The following SYT13 variants were observed in gnomAD, a reference collection of about 807,000 sequenced individuals.
The protein encoded by SYT13 is synaptotagmin 13.
A neutral mutation model predicts 38.6 loss-of-function variants in SYT13; 21 were observed. That is an observed-to-expected ratio of 0.54 (90% CI 0.39 to 0.78). The LOEUF (loss-of-function observed/expected upper bound fraction) is 0.78. Ranked by LOEUF, SYT13 falls within the 30% of genes least tolerant of loss-of-function variation. The pLI is 0.00. For missense variants in SYT13, 495 were observed against 548.7 expected (o/e 0.90, Z 0.98); for synonymous variants, 241 against 237.6 (o/e 1.01, Z -0.13).
In SYT13 at chr11:45,244,171, A is replaced by C. The variant is rs1211102264; in HGVS notation, c.1162T>G (p.Cys388Gly). 1 of 1,614,060 alleles carries C rather than the reference A, an allele frequency of 6.2e-7. No individual in the cohort carries two copies. ...CCCAGGCTGCAGTGGCCAAGCGCAC[A>C]GCTCTGCCCTGAATCGTCCTGGCCC... is the stretch of plus-strand genomic sequence containing the variant. ...VLGQDDSGQS[C>G]ALGHCSLGLH... Residue 388 changes from cysteine (C) to glycine (G), a missense_variant, in exon 6 of 6, where the codon TGT becomes GGT. By Grantham distance (159) the Cys-to-Gly change is radical. Transcript: ENST00000020926.
At chr11:45,266,523 C>A (rs566724312) in intron 1 of SYT13, among the ~76,000 whole-genome samples, 2 of 151,942 alleles carry the variant, frequency 1.3e-5, no homozygotes, top group East Asian at 3.9e-4. Context: ...CACACACACA[C>A]ACACACACAC....
At chr11:45,277,267 T>C (rs1230321207) in intron 1 of SYT13, among the ~76,000 whole-genome samples, 1 of 152,200 alleles carries the variant, frequency 6.6e-6, no homozygotes, top group African/African-American at 2.4e-5. Flanking sequence ...AGGGGTTTTC[T>C]TCTGAGGTGA....
At chr11:45,274,043 G>T (rs930205091) in intron 1 of SYT13, among the ~76,000 whole-genome samples, 12 of 152,176 alleles carry the variant, frequency 7.9e-5, no homozygotes, top group Non-Finnish European at 1.6e-4. Context: ...ATTCAGAATG[G>T]CTGTGGTGAT....
intron 4 of SYT13, among the ~76,000 whole-genome samples, chr11:45,248,552 T>G (rs1854639093): frequency 6.6e-6 from 1 of 152,334 alleles, no homozygotes. Flanking sequence ...CCTGAATCCA[T>G]GGCTCTCCAG....
chr11:45,245,359 G>C (rs1267621205), intron 5 of SYT13, among the ~76,000 whole-genome samples: 2 of 152,206 alleles, frequency 1.3e-5, no homozygotes, highest in Non-Finnish European at 2.9e-5. Flanking sequence ...TTTCTACAGA[G>C]AGAGTTGAGA....
chr11:45,262,501 G>A (rs912868362), intron 1 of SYT13, among the ~76,000 whole-genome samples: 2 of 152,118 alleles, frequency 1.3e-5, no homozygotes, highest in Non-Finnish European at 2.9e-5. Context: ...TGAAGCAGAA[G>A]GATGGCTTGA....
chr11:45,285,073 G>C (rs1855117942), intron 1 of SYT13, among the ~76,000 whole-genome samples: 1 of 152,154 alleles, frequency 6.6e-6, no homozygotes, highest in South Asian at 2.1e-4. Context: ...GGGCCTTTAG[G>C]AGGTCCTTTA....
intron 1 of SYT13, among the ~76,000 whole-genome samples, chr11:45,271,815 A>G (rs1010056030): frequency 1.1e-4 from 17 of 152,198 alleles, no homozygotes; most frequent in Non-Finnish European, 2.5e-4. Context: ...GAGGAATCCA[A>G]GAGTGAGAGC....
intron 1 of SYT13, among the ~76,000 whole-genome samples, chr11:45,280,330 G>A (rs1855057333): frequency 1.3e-5 from 2 of 152,016 alleles, no homozygotes; most frequent in African/African-American, 2.4e-5. Flanking sequence ...GGGAGAAACA[G>A]CAGAAAGCAA....
Position 45,286,169 on chromosome 11 carries a change from C to G in SYT13, c.39G>C (p.Thr13=). ...LSVPVIALGA[T]LGTATSILAL... is the part of the protein sequence containing the mutation. ...CGAGGATGCTGGTGGCTGTGCCCAG[C>G]GTGGCGCCCAGCGCGATCACAGGCA... Residue 13 remains threonine, a synonymous_variant, in exon 1 of 6, where the codon ACG becomes ACC. Transcript: ENST00000020926. The G allele has an allele frequency of 1.3e-6, 2 of 1,583,338 alleles. No homozygotes were observed. The highest frequency in any genetic ancestry group is 8.6e-7 in the Non-Finnish European group (1 of 1,168,406).
intron 1 of SYT13, among the ~76,000 whole-genome samples, chr11:45,272,492 C>T (rs1854961399): frequency 6.6e-6 from 1 of 152,210 alleles, no homozygotes; most frequent in Non-Finnish European, 1.5e-5. Context: ...CATTAAGGTG[C>T]TGCTTCTAAC....
At chr11:45,278,787 A>G (rs1855039032) in intron 1 of SYT13, among the ~76,000 whole-genome samples, 1 of 152,206 alleles carries the variant, frequency 6.6e-6, no homozygotes, top group Non-Finnish European at 1.5e-5. Flanking sequence ...ACACAGGCTT[A>G]GGGGTCCACA....
At chr11:45,285,943 G>T (rs1184772592) in intron 1 of SYT13, 82 bp downstream of exon 1, 1 of 1,377,880 alleles carries the variant, frequency 7.3e-7, no homozygotes, top group Non-Finnish European at 9.6e-7. Flanking sequence ...ATCCACGACC[G>T]CCTCCCACCC....
chr11:45,270,269 G>T (rs1454322620), intron 1 of SYT13, among the ~76,000 whole-genome samples: 1 of 152,140 alleles, frequency 6.6e-6, no homozygotes, highest in African/African-American at 2.4e-5. Context: ...GAACACAATT[G>T]TTTAATATTG....
chr11:45,278,290 C>T (rs760874006), intron 1 of SYT13, among the ~76,000 whole-genome samples: 3 of 152,062 alleles, frequency 2.0e-5, no homozygotes, highest in Non-Finnish European at 4.4e-5. Flanking sequence ...AAGGTGGAAG[C>T]GGGAGGTGAA....
Position 45,245,017 on chromosome 11 carries a change from A to G in SYT13, c.977-661T>C, listed in dbSNP as rs550057372. ...CATCCCCTTGATTCTTGGTGTAAGC[A>G]TGTTTGTCTGTTATCAAAATAGGAG... On this transcript the variant is annotated intron_variant, in intron 5 of 5. Transcript: ENST00000020926. 9.2e-5 allele frequency among the ~76,000 whole-genome samples: 14 copies of G among 152,326 alleles called. No homozygotes were observed. In the East Asian group the frequency reaches 2.7e-3, roughly 29 times the overall value.
intron 1 of SYT13, among the ~76,000 whole-genome samples, chr11:45,257,004 G>T (rs946370601): frequency 6.6e-6 from 1 of 152,192 alleles, no homozygotes. Context: ...TGTGACTAGG[G>T]CTGCCATATT....
chr11:45,285,767 G>T (rs1855126310), intron 1 of SYT13: 2 of 691,850 alleles, frequency 2.9e-6, no homozygotes, highest in Non-Finnish European at 5.2e-6. Flanking sequence ...CTCGCTGCTG[G>T]CCCCCATTCT....
Position 45,286,043 on chromosome 11 carries a change from C to A in SYT13, c.165G>T (p.Leu55Phe), listed in dbSNP as rs1432626745. Residue 55 changes from leucine (L) to phenylalanine (F), a missense_variant, in exon 1 of 6, where the codon TTG (leucine) becomes TTT (phenylalanine). Physicochemically the swap from Leu to Phe is conservative, Grantham distance 22 (BLOSUM62 0). Transcript: ENST00000020926. Reference protein sequence around the residue: ...DPDLEKAKPSLLGSAQQFNVK... With the variant: ...DPDLEKAKPSFLGSAQQFNVK... The stretch of plus-strand genomic sequence containing the variant: ...CGCTCACCTGTTGTGCAGACCCGAG[C>A]AAGCTGGGCTTCGCCTTCTCCAGGT... 1 of 1,608,900 alleles carries A rather than the reference C, an allele frequency of 6.2e-7. No individual in the cohort carries two copies.
Sources: gnomAD v4.1 joint callset for allele counts (sites outside exome capture counted in the v4.1 genomes callset) on GRCh38, gnomAD v4.1.1 for gene constraint, MANE v1.5 for transcripts, NCBI Gene and HGNC (gene_info 2026-07-23, HGNC 2026-07-21) for gene names.